The following SCN1A variants were observed in gnomAD, a reference collection of about 807,000 sequenced individuals.
SCN1A encodes the protein sodium voltage-gated channel alpha subunit 1.
SCN1A carries 13 observed loss-of-function variants against 193.7 expected under a neutral mutation model. The observed-to-expected ratio is 0.07, with a 90% CI of 0.04 to 0.11. The LOEUF (loss-of-function observed/expected upper bound fraction) is 0.11, where lower values mean the gene tolerates loss of function less well. Among genes scored for constraint, SCN1A ranks in the 10% least tolerant of loss-of-function variants. The pLI is 1.00. For synonymous variants in SCN1A, 781 were observed against 843.6 expected (o/e 0.93, Z 1.29); for missense variants, 1,432 against 2,451.1 (o/e 0.58, Z 8.78).
chr2:166,075,994 A>AT (rs1214275438), intron 3 of SCN1A, among the ~76,000 whole-genome samples: 5 of 151,588 alleles, frequency 3.3e-5, no homozygotes, highest in East Asian at 1.9e-4. Context: ...AAAACAGCCC[A>AT]TTTTTTCCTT....
chr2:166,075,987 AC>A (rs1234878941), intron 3 of SCN1A, among the ~76,000 whole-genome samples: 1 of 151,962 alleles, frequency 6.6e-6, no homozygotes, highest in Admixed American at 6.6e-5. Context: ...TTATTTAAAA[AC>A]AGCCCATTTT....
At chr2:166,147,971 A>G (rs1692390034) in intron 1 of SCN1A, among the ~76,000 whole-genome samples, 2 of 152,308 alleles carry the variant, frequency 1.3e-5, no homozygotes, top group South Asian at 4.1e-4. Context: ...TAACCTGCCT[A>G]ATGCCAGTCA....
intron 27 of SCN1A, among the ~76,000 whole-genome samples, chr2:165,994,763 CATTTA>C (rs1363897837): frequency 6.6e-6 from 1 of 151,598 alleles, no homozygotes; most frequent in African/African-American, 2.4e-5. Flanking sequence ...GTAAGAAACC[CATTTA>C]ATTTTTTTTT....
chr2:166,071,162 G>C (rs1051350010), intron 4 of SCN1A, among the ~76,000 whole-genome samples: 4 of 152,198 alleles, frequency 2.6e-5, no homozygotes, highest in Non-Finnish European at 5.9e-5. Flanking sequence ...CAATACCGAA[G>C]TCATTTTAAA....
chr2:166,043,186 T>G (rs1010363721), intron 14 of SCN1A, among the ~76,000 whole-genome samples: 4 of 152,220 alleles, frequency 2.6e-5, no homozygotes, highest in Non-Finnish European at 5.9e-5. Context: ...TATATCAGCA[T>G]TTTTTAGTAA....
chr2:166,064,666 A>T (rs966025548), intron 4 of SCN1A, among the ~76,000 whole-genome samples: 1 of 152,048 alleles, frequency 6.6e-6, no homozygotes, highest in Non-Finnish European at 1.5e-5. Flanking sequence ...TCTTTTTCTC[A>T]TTTAAATATA....
intron 2 of SCN1A, among the ~76,000 whole-genome samples, chr2:166,107,643 A>G (rs1357807200): frequency 6.6e-6 from 1 of 152,158 alleles, no homozygotes; most frequent in Non-Finnish European, 1.5e-5. Context: ...ATAAATAAGA[A>G]GAGAACACAA....
chr2:166,039,478 A>G lies in SCN1A; in HGVS notation c.2534T>C (p.Val845Ala), dbSNP rs1275798393. ...TTCCACATTGGCGAGTCCAAGTTCT[A>G]CCAGGCTAAGCGTCACAATAAAACC... ...FDGFIVTLSLVELGLANVEGL... is the reference protein window; with the variant it reads ...FDGFIVTLSLAELGLANVEGL... The change falls in exon 17 of 29, where the codon GTA (valine) becomes GCA (alanine). Residue 845 changes from valine (V) to alanine (A), a missense_variant. Physicochemically the swap from Val to Ala is moderately conservative, Grantham distance 64. Around this residue, in one of 18 missense-constraint regions of SCN1A, gnomAD observed 93 missense variants for 260.4 expected, o/e 0.36. Transcript: ENST00000674923. 1 of 1,613,342 alleles carries G rather than the reference A, an allele frequency of 6.2e-7. No homozygotes were observed. The highest frequency in any genetic ancestry group is 8.5e-7 in the Non-Finnish European group (1 of 1,179,940).
rs775498006 is a variant in SCN1A at position 166,002,768 on chromosome 2, G to GA, written c.4003-16dup. 6.9e-6 allele frequency: 11 copies of GA among 1,585,370 alleles called. No individual in the cohort carries two copies. In the South Asian group the frequency reaches 1.2e-4, roughly 17 times the overall value. ...TTCACAACCACCTAATACACAAATG[G>GA]AAAAAAAGAAAAGTCAGAATTCTTA... On this transcript the variant is annotated splice_polypyrimidine_tract_variant and intron_variant, in intron 23 of 28. Coordinates refer to ENST00000674923, the MANE Select transcript of SCN1A (RefSeq NM_001165963.4).
intron 3 of SCN1A, 25 bp from the exon 4 acceptor site, chr2:166,073,695 T>G: frequency 1.3e-6 from 2 of 1,508,722 alleles, no homozygotes; most frequent in Non-Finnish European, 1.8e-6. Flanking sequence ...ATACAGATAT[T>G]TTAAAGAGTG....
At chr2:166,086,498 A>G (rs1364465366) in intron 2 of SCN1A, among the ~76,000 whole-genome samples, 1 of 152,084 alleles carries the variant, frequency 6.6e-6, no homozygotes, top group Admixed American at 6.5e-5. Flanking sequence ...TCTCATAAAT[A>G]TTCATGACTC....
At chr2:166,026,679 C>CTTTTTTT (rs35750460) in intron 19 of SCN1A, among the ~76,000 whole-genome samples, 121 of 97,660 alleles carry the variant, frequency 1.2e-3, no homozygotes, top group African/African-American at 1.8e-3. Flanking sequence ...TTCTTTCTTT[C>CTTTTTTT]TTTTTTTTTT....
At chr2:166,011,612 G>A (rs1692466258) in intron 22 of SCN1A, among the ~76,000 whole-genome samples, 1 of 151,100 alleles carries the variant, frequency 6.6e-6, no homozygotes, top group Non-Finnish European at 1.5e-5. Context: ...AAAAGTTTGA[G>A]TAGATCAAAT....
intron 7 of SCN1A, among the ~76,000 whole-genome samples, chr2:166,053,441 A>C (rs952343977): frequency 2.0e-5 from 3 of 152,038 alleles, no homozygotes; most frequent in Non-Finnish European, 4.4e-5. Context: ...GAAATCACCC[A>C]ACAGAAATTT....
intron 11 of SCN1A, 126 bp downstream of exon 11, chr2:166,047,501 G>C: frequency 9.7e-7 from 1 of 1,029,988 alleles, no homozygotes; most frequent in Admixed American, 1.7e-5. Flanking sequence ...ATAGGATAGA[G>C]GAACTCAAGT....
At chr2:165,985,630 A>G (rs1489714028), downstream of SCN1A, 1 of 152,106 alleles carries the variant, frequency 6.6e-6, no homozygotes, top group Non-Finnish European at 1.5e-5. Context: ...TGATATTGCA[A>G]ATTATCCACT....
intron 3 of SCN1A, among the ~76,000 whole-genome samples, chr2:166,076,310 T>C (rs1273205462): frequency 6.6e-6 from 1 of 151,914 alleles, no homozygotes; most frequent in African/African-American, 2.4e-5. Flanking sequence ...ATTTTTAGTA[T>C]TTTGGTGGTT....
chr2:165,995,468 C>T (rs1689900806), intron 27 of SCN1A, among the ~76,000 whole-genome samples: 1 of 151,786 alleles, frequency 6.6e-6, no homozygotes, highest in Non-Finnish European at 1.5e-5. Context: ...CTGACCCTGA[C>T]TTCTGCAGAC....
intron 18 of SCN1A, among the ~76,000 whole-genome samples, chr2:166,037,138 T>C (rs1696487696): frequency 6.6e-6 from 1 of 152,182 alleles, no homozygotes; most frequent in Non-Finnish European, 1.5e-5. Context: ...TACTATACTA[T>C]AAACAGTAAC....
Sources: allele counts gnomAD v4.1 joint callset (sites outside exome capture counted in the v4.1 genomes callset), GRCh38; gene constraint gnomAD v4.1.1; regional missense constraint gnomAD v4.1.1; transcripts MANE v1.5; gene names NCBI Gene and HGNC (gene_info 2026-07-23, HGNC 2026-07-21).